Variants in NPSR1 observed in about 807,000 individuals in gnomAD.
NPSR1 encodes neuropeptide S receptor 1.
NPSR1 carries 48 observed loss-of-function variants against 46.9 expected under a neutral mutation model. The observed-to-expected ratio is 1.02, with a 90% CI of 0.81 to 1.30. The LOEUF (loss-of-function observed/expected upper bound fraction) is 1.30. Ranked by LOEUF, NPSR1 falls within the 50% of genes most tolerant of loss-of-function variation. The pLI is 0.00. For synonymous variants in NPSR1, 176 were observed against 168.1 expected, an observed-to-expected ratio of 1.05 and a Z score of -0.36; for missense variants, 450 against 449.5, an observed-to-expected ratio of 1.00 and a Z score of -0.01.
At chr7:34,856,640 A>G (rs1199397456) in intron 8 of NPSR1, among the ~76,000 whole-genome samples, 1 of 151,696 alleles carries the variant, frequency 6.6e-6, no homozygotes, top group East Asian at 1.9e-4. Flanking sequence ...ACAATGGTCC[A>G]GGACAGAGTC....
chr7:34,794,018 T>TTGATCTCATAGAAGC, intron 3 of NPSR1, among the ~76,000 whole-genome samples: 1 of 152,022 alleles, frequency 6.6e-6, no homozygotes, highest in Non-Finnish European at 1.5e-5. Flanking sequence ...TCTTAAAAAG[T>TTGATCTCATAGAAGC]TGATCTCATA....
At position 34,849,539 on chromosome 7, in the gene NPSR1, C is replaced by T. The variant is rs192447609; in HGVS notation, c.1026-26C>T. The T allele has an allele frequency of 5.0e-4, 813 of 1,613,464 alleles. 2 individuals are homozygous for T. The African/African-American group carries it at 9.9e-3, about 20-fold the overall frequency. ...TTTCATTAGGTCAAATTATTTCCCT[C>T]CCTGCTTTATTTTGACTTTCTCCAG... On this transcript the variant is annotated intron_variant, in intron 8 of 8. Coordinates refer to ENST00000360581, the MANE Select transcript of NPSR1 (RefSeq NM_207172.2).
At chr7:34,848,451 G>C in intron 7 of NPSR1, 32 bp from the exon 8 acceptor site, 1 of 1,605,422 alleles carries the variant, frequency 6.2e-7, no homozygotes. Context: ...ACTGCTACCT[G>C]CTGTGATGCT....
At chr7:34,770,723 T>C (rs1416028261) in intron 2 of NPSR1, among the ~76,000 whole-genome samples, 1 of 152,160 alleles carries the variant, frequency 6.6e-6, no homozygotes, top group Non-Finnish European at 1.5e-5. Context: ...GAGGTAGTTG[T>C]ATTAGTTTGT....
chr7:34,724,957 T>C (rs1293815902), intron 2 of NPSR1, among the ~76,000 whole-genome samples: 1 of 152,014 alleles, frequency 6.6e-6, no homozygotes, highest in East Asian at 1.9e-4. Context: ...TGGGGTGAGA[T>C]GAGGGAGATG....
In NPSR1 at chr7:34,811,818, G is replaced by C. The variant is rs1174888031; in HGVS notation, c.433G>C (p.Asp145His). ...STYVLVSLSI[D>H]RYHAIVYPMK... ...CTACGTCCTGGTGTCCCTCAGCATA[G>C]ACAGATACCATGCCATCGTCTACCC... The change falls in exon 4 of 9, where the codon GAC (aspartate) becomes CAC (histidine). Residue 145 changes from aspartate to histidine, a missense_variant. Coordinates refer to ENST00000360581, the MANE Select transcript of NPSR1 (RefSeq NM_207172.2). 6.2e-7 allele frequency: 1 copy of C among 1,613,488 alleles called. No homozygotes were observed. The highest frequency in any genetic ancestry group is 1.3e-5 in the African/African-American group (1 of 74,858).
chr7:34,669,995 A>AT lies in NPSR1; in HGVS notation c.147+11437dup, dbSNP rs548335511. On this transcript the variant is annotated intron_variant, in intron 1 of 8. Coordinates refer to ENST00000360581, the MANE Select transcript of NPSR1 (RefSeq NM_207172.2). The stretch of plus-strand genomic sequence containing the variant: ...AAATATATAGAATACATGGAAGGAC[A>AT]TGAGGTGCTTCAAGATAGGATGATT... 3.8e-4 allele frequency among the ~76,000 whole-genome samples: 58 copies of AT among 152,360 alleles called. No homozygotes were observed. The East Asian group carries it at 0.01, about 27-fold the overall frequency.
At chr7:34,690,196 AG>A (rs1583816392) in intron 2 of NPSR1, among the ~76,000 whole-genome samples, 2 of 152,130 alleles carry the variant, frequency 1.3e-5, no homozygotes, top group Admixed American at 1.3e-4. Context: ...CCAAATCCAA[AG>A]GACCTTACAC....
chr7:34,663,290 A>T (rs1310844308), intron 1 of NPSR1, among the ~76,000 whole-genome samples: 3 of 151,988 alleles, frequency 2.0e-5, no homozygotes, highest in African/African-American at 7.3e-5. Context: ...CCTTGGCCAC[A>T]TTCTCTCCTG....
chr7:34,830,743 A>G (rs1028334079), intron 5 of NPSR1, among the ~76,000 whole-genome samples: 7 of 152,240 alleles, frequency 4.6e-5, no homozygotes, highest in African/African-American at 1.7e-4. Context: ...TCTGCCACAA[A>G]TACCTCATTG....
intron 1 of NPSR1, among the ~76,000 whole-genome samples, chr7:34,668,369 C>G (rs958867386): frequency 2.6e-5 from 4 of 152,300 alleles, no homozygotes; most frequent in East Asian, 3.9e-4. Flanking sequence ...TACATTTATT[C>G]CTTTTCCAAT....
intron 8 of NPSR1, among the ~76,000 whole-genome samples, chr7:34,870,687 A>G (rs1238157235): frequency 1.3e-5 from 2 of 151,856 alleles, no homozygotes; most frequent in Non-Finnish European, 2.9e-5. Flanking sequence ...GAATTTGCTC[A>G]GAATAAGGAA....
At chr7:34,794,533 A>G (rs992179200) in intron 3 of NPSR1, among the ~76,000 whole-genome samples, 2 of 152,140 alleles carry the variant, frequency 1.3e-5, no homozygotes, top group African/African-American at 4.8e-5. Flanking sequence ...GTATTAAAGG[A>G]ATTAATTATT....
chr7:34,735,469 C>T (rs1784626220), intron 2 of NPSR1, among the ~76,000 whole-genome samples: 1 of 152,224 alleles, frequency 6.6e-6, no homozygotes, highest in Non-Finnish European at 1.5e-5. Context: ...TAAATGAATA[C>T]ATCAATATAT....
chr7:34,847,994 C>G (rs931970266), intron 7 of NPSR1, among the ~76,000 whole-genome samples: 6 of 152,208 alleles, frequency 3.9e-5, no homozygotes, highest in African/African-American at 7.2e-5. Context: ...AAAGAGAACA[C>G]TGTCATTAAA....
chr7:34,675,230 A>G (rs924595146), intron 1 of NPSR1, among the ~76,000 whole-genome samples: 2 of 152,184 alleles, frequency 1.3e-5, no homozygotes, highest in Non-Finnish European at 2.9e-5. Flanking sequence ...AAAAATATTT[A>G]TTGTGCACCT....
chr7:34,700,046 C>T (rs755931791), intron 2 of NPSR1, among the ~76,000 whole-genome samples: 17 of 152,136 alleles, frequency 1.1e-4, no homozygotes, highest in Non-Finnish European at 2.1e-4. Flanking sequence ...TAAATTAACC[C>T]ATGGCCAGGT....
At chr7:34,751,514 G>T in intron 2 of NPSR1, 1 of 1,486,638 alleles carries the variant, frequency 6.7e-7, no homozygotes. Context: ...ACCAGCCCCA[G>T]CTCCTCCTCC....
At chr7:34,764,499 A>C (rs1398310203) in intron 2 of NPSR1, among the ~76,000 whole-genome samples, 11 of 152,162 alleles carry the variant, frequency 7.2e-5, no homozygotes, top group Admixed American at 2.6e-4. Flanking sequence ...TCCACTCTAC[A>C]ATGGCAGATT....
Sources: gnomAD v4.1 joint callset for allele counts (sites outside exome capture counted in the v4.1 genomes callset) on GRCh38, gnomAD v4.1.1 for gene constraint, MANE v1.5 for transcripts, NCBI Gene and HGNC (gene_info 2026-07-23, HGNC 2026-07-21) for gene names.